Variants in RPS6KA2 observed in about 807,000 individuals in gnomAD.
RPS6KA2 encodes ribosomal protein S6 kinase A2.
In RPS6KA2, 42 loss-of-function variants were observed where a neutral mutation model predicts 91.8. The observed-to-expected ratio is 0.46, with a 90% CI of 0.36 to 0.59. The LOEUF is 0.59. RPS6KA2 is among the 20% of genes least tolerant of loss of function. The pLI, the probability that RPS6KA2 is intolerant of heterozygous loss-of-function variation, is 0.00. For synonymous variants in RPS6KA2, 414 were observed against 393.6 expected (o/e 1.05, Z -0.61); for missense variants, 798 against 978.5 (o/e 0.82, Z 2.46).
intron 2 of RPS6KA2, among the ~76,000 whole-genome samples, chr6:166,537,136 A>G (rs1475504803): frequency 6.6e-6 from 1 of 152,258 alleles, no homozygotes; most frequent in Non-Finnish European, 1.5e-5. Context: ...CATGGGATGT[A>G]TTCCAGCGCT....
At chr6:166,746,409 A>G (rs1791014744) in intron 2 of RPS6KA2, among the ~76,000 whole-genome samples, 2 of 152,192 alleles carry the variant, frequency 1.3e-5, no homozygotes. Context: ...GAGACCTATC[A>G]AAGTGTTTAT....
At chr6:166,454,866 A>G (rs1448264877) in intron 12 of RPS6KA2, among the ~76,000 whole-genome samples, 1 of 150,518 alleles carries the variant, frequency 6.6e-6, no homozygotes, top group Non-Finnish European at 1.5e-5. Flanking sequence ...TAAAAACAGA[A>G]TAGGATAATA....
chr6:166,429,459 T>G lies in RPS6KA2; in HGVS notation c.1581+994A>C, dbSNP rs115181239. Among the ~76,000 whole-genome samples, 982 of 152,134 alleles carry G rather than the reference T, an allele frequency of 6.5e-3. 8 individuals are homozygous for G. The highest frequency in any genetic ancestry group is 0.022 in the African/African-American group (909 of 41,500). On this transcript the variant is annotated intron_variant, in intron 16 of 20. Transcript: ENST00000265678. ...AATAATAATAAAATTAAAAAAAAAT[T>G]TTTAAATTTGAGACAGAGTTTTGCT...
chr6:166,797,430 T>C (rs754904680), intron 2 of RPS6KA2, among the ~76,000 whole-genome samples: 3 of 152,116 alleles, frequency 2.0e-5, no homozygotes, highest in Non-Finnish European at 4.4e-5. Flanking sequence ...CCCCAAAGCT[T>C]AACTACTAAC....
intron 2 of RPS6KA2, among the ~76,000 whole-genome samples, chr6:166,740,439 C>G (rs866174663): frequency 1.3e-5 from 2 of 152,134 alleles, no homozygotes; most frequent in African/African-American, 2.4e-5. Context: ...GAGAGCCTTT[C>G]TATCAGAAAA....
intron 2 of RPS6KA2, among the ~76,000 whole-genome samples, chr6:166,725,544 C>G (rs1346316420): frequency 6.6e-6 from 1 of 152,212 alleles, no homozygotes; most frequent in African/African-American, 2.4e-5. Context: ...TCAGGGGGAG[C>G]ATCCCTGGGA....
chr6:166,488,861 G>A lies in RPS6KA2; in HGVS notation c.879C>T (p.Leu293=). Residue 293 remains leucine (L), a synonymous_variant, in exon 10 of 21, where the codon CTC becomes CTT. Coordinates refer to ENST00000265678, the MANE Select transcript of RPS6KA2 (RefSeq NM_021135.6). The part of the protein sequence containing the change: ...SGEAQSLLRA[L]FKRNPCNRLG... ...GCCGGTTGCAGGGGTTCCGTTTGAA[G>A]AGAGCTCGCAGCAAACTCTGTGCCT... 1.2e-6 allele frequency: 2 copies of A among 1,613,684 alleles called. No individual in the cohort carries two copies. The highest frequency in any genetic ancestry group is 1.7e-6 in the Non-Finnish European group (2 of 1,179,884).
chr6:166,454,706 G>A (rs185249803), intron 12 of RPS6KA2, among the ~76,000 whole-genome samples: 4 of 152,146 alleles, frequency 2.6e-5, no homozygotes, highest in Non-Finnish European at 4.4e-5. Context: ...TCCTGCCAGC[G>A]AGACCAGGGC....
chr6:166,577,188 G>A (rs1338346029), intron 1 of RPS6KA2, among the ~76,000 whole-genome samples: 5 of 152,220 alleles, frequency 3.3e-5, no homozygotes, highest in African/African-American at 4.8e-5. Flanking sequence ...CTGCAGGGGC[G>A]GGGCCCTCAT....
Position 166,568,351 on chromosome 6 carries a change from C to G in RPS6KA2, c.100-29567G>C, listed in dbSNP as rs182369053. Among the ~76,000 whole-genome samples, 3 of 152,248 alleles carry G rather than the reference C, an allele frequency of 2.0e-5. No homozygotes were observed. In the East Asian group the frequency reaches 5.8e-4, roughly 29 times the overall value. ...TTACTTGGCCAGGCGCGGTGACTCA[C>G]GCCTATTATCCCAGCACTTTGGGAG... On this transcript the variant is annotated intron_variant, in intron 1 of 20. Transcript: ENST00000265678.
intron 14 of RPS6KA2, among the ~76,000 whole-genome samples, chr6:166,441,964 C>T (rs1228995166): frequency 2.0e-5 from 3 of 152,214 alleles, no homozygotes; most frequent in African/African-American, 7.2e-5. Flanking sequence ...TTAGAGGAAG[C>T]GGTCCGGCTG....
In RPS6KA2 at chr6:166,784,621, TATACACACGTGCACACCTATGCAG is replaced by T. The variant is rs1259310280; in HGVS notation, c.123+73555_123+73578del. On this transcript the variant is annotated intron_variant, in intron 2 of 21. Coordinates refer to the RPS6KA2 transcript ENST00000503859. ...ACGTGCACACCTATGCAGAACCACATATACACACGTGCACACCTATGCAGAACCACATATACACATGTGCACACC... is the reference window on the plus strand; with the variant it reads ...ACGTGCACACCTATGCAGAACCACATAACCACATATACACATGTGCACACC... 9.6e-5 allele frequency among the ~76,000 whole-genome samples: 6 copies of T among 62,766 alleles called. 3 individuals are homozygous for T. The highest frequency in any genetic ancestry group is 1.2e-4 in the African/African-American group (2 of 16,030). The allele number at this position is 62,766 out of a possible 152,430, so 41.2% of individuals were successfully genotyped here.
chr6:166,471,261 C>G (rs1230962077), intron 10 of RPS6KA2, among the ~76,000 whole-genome samples: 1 of 152,224 alleles, frequency 6.6e-6, no homozygotes, highest in Non-Finnish European at 1.5e-5. Context: ...TGGAGTGGCG[C>G]AGGTCACCGG....
intron 10 of RPS6KA2, among the ~76,000 whole-genome samples, chr6:166,472,439 T>C (rs1780807271): frequency 6.6e-6 from 1 of 152,168 alleles, no homozygotes; most frequent in Admixed American, 6.5e-5. Context: ...TTACCTCCTT[T>C]CCCCTAAGGT....
intron 1 of RPS6KA2, among the ~76,000 whole-genome samples, chr6:166,547,302 G>A (rs369198094): frequency 3.1e-4 from 47 of 152,326 alleles, no homozygotes; most frequent in African/African-American, 1.1e-3. Context: ...GGCTCTGCAA[G>A]GAAAGGCTGC....
Position 166,451,289 on chromosome 6 carries a change from G to A in RPS6KA2, c.1076-56C>T. The A allele has an allele frequency of 1.9e-6, 3 of 1,601,012 alleles. No homozygotes were observed. In the South Asian group the frequency reaches 3.3e-5, roughly 18 times the overall value. On this transcript the variant is annotated intron_variant, in intron 12 of 20. Coordinates refer to ENST00000265678, the MANE Select transcript of RPS6KA2 (RefSeq NM_021135.6). ...CACGAAAGCTGGGTGACCCTGGGGTGAAGTGATAGTGTGTGTGTGCATGTG... is the reference window on the plus strand; with the variant it reads ...CACGAAAGCTGGGTGACCCTGGGGTAAAGTGATAGTGTGTGTGTGCATGTG...
chr6:166,679,649 G>T (rs545244886), intron 2 of RPS6KA2, among the ~76,000 whole-genome samples: 1 of 152,138 alleles, frequency 6.6e-6, no homozygotes, highest in East Asian at 1.9e-4. Flanking sequence ...GGCGCTCCTC[G>T]ATCTGGCCGC....
intron 2 of RPS6KA2, among the ~76,000 whole-genome samples, chr6:166,714,977 C>A (rs568254662): frequency 1.4e-4 from 21 of 152,338 alleles, no homozygotes; most frequent in African/African-American, 5.1e-4. Context: ...CCTTCCCGTC[C>A]GGCCTGTGCT....
At chr6:166,456,665 C>T (rs907339007) in intron 12 of RPS6KA2, among the ~76,000 whole-genome samples, 9 of 152,218 alleles carry the variant, frequency 5.9e-5, no homozygotes, top group African/African-American at 2.2e-4. Context: ...TTATCCATTG[C>T]TTCAGAGTCA....
Sources: gnomAD v4.1 joint callset for allele counts (sites outside exome capture counted in the v4.1 genomes callset) on GRCh38, gnomAD v4.1.1 for gene constraint, MANE v1.5 for transcripts, NCBI Gene and HGNC (gene_info 2026-07-23, HGNC 2026-07-21) for gene names.